Variants in PCDHGB5 observed in about 807,000 individuals in gnomAD.
The protein encoded by PCDHGB5 is protocadherin gamma-B5.
A neutral mutation model predicts 62.9 loss-of-function variants in PCDHGB5; 48 were observed. The ratio of observed to expected loss-of-function variants is 0.76; its 90% CI spans 0.61 to 0.97. The LOEUF (loss-of-function observed/expected upper bound fraction) is 0.97, where lower values mean the gene tolerates loss of function less well. PCDHGB5 is among the 50% of genes least tolerant of loss of function. The pLI is 0.00. For missense variants in PCDHGB5, 1,118 were observed against 1,198.6 expected (o/e 0.93, Z 0.99); for synonymous variants, 474 against 511.2 (o/e 0.93, Z 0.98).
At position 141,398,946 on chromosome 5, in the gene PCDHGB5, C is replaced by A; in HGVS notation, c.819C>A (p.Ile273=). The A allele has an allele frequency of 6.2e-7, 1 of 1,613,948 alleles. No individual in the cohort carries two copies. The highest frequency in any genetic ancestry group is 8.5e-7 in the Non-Finnish European group (1 of 1,179,890). The change falls in exon 1 of 4, where the codon ATC becomes ATA. Residue 273 remains isoleucine, a synonymous_variant. Coordinates refer to ENST00000617380, the MANE Select transcript of PCDHGB5 (RefSeq NM_018925.3). ...QVSATDQDEG[I]NSEITYSFYR... ...CAGCCACTGACCAAGACGAGGGCATCAACTCAGAAATTACTTATTCCTTCT... is the reference window on the plus strand; with the variant it reads ...CAGCCACTGACCAAGACGAGGGCATAAACTCAGAAATTACTTATTCCTTCT...
intron 1 of PCDHGB5, chr5:141,410,578 T>G: frequency 1.9e-6 from 3 of 1,610,984 alleles, no homozygotes; most frequent in Non-Finnish European, 2.5e-6. Context: ...TTCCACCTCA[T>G]GGTGGGGAGG....
Position 141,489,826 on chromosome 5 carries a change from C to G in PCDHGB5, c.2398-4981C>G. On this transcript the variant is annotated intron_variant, in intron 1 of 3. Transcript: ENST00000617380. This position sits in a 1 kb window ranked among gnomAD's most constrained non-coding sequence, Gnocchi z 4.5. The stretch of plus-strand genomic sequence containing the variant: ...TGGGAAGCCATTCCCAGAGCTGGTG[C>G]TAGAGCAGCAGCTGGATCGTGAAGC... 1 of 1,614,186 alleles carries G rather than the reference C, an allele frequency of 6.2e-7. No homozygotes were observed. The highest frequency in any genetic ancestry group is 8.5e-7 in the Non-Finnish European group (1 of 1,179,988).
chr5:141,432,196 C>G lies in PCDHGB5; in HGVS notation c.2397+31672C>G, dbSNP rs200790843. ...TCGTCTCTGTGACCGCCCACGACCC[C>G]GACTGTGAAGAGAACGCCCAGATCA... On this transcript the variant is annotated intron_variant, in intron 1 of 3. Transcript: ENST00000617380. The surrounding 1 kb of genome is among the most constrained non-coding windows in gnomAD (Gnocchi z 6.0). The G allele has an allele frequency of 6.2e-7, 1 of 1,614,192 alleles. No individual in the cohort carries two copies. Among genetic ancestry groups the G allele is most frequent in the East Asian group, 2.2e-5 (1 of 44,880 alleles).
At chr5:141,452,524 C>T (rs542476667) in intron 1 of PCDHGB5, among the ~76,000 whole-genome samples, 83 of 152,294 alleles carry the variant, frequency 5.4e-4, no homozygotes, top group African/African-American at 1.9e-3. Flanking sequence ...CCCTCAAAAT[C>T]GTGAGTTCAT....
At position 141,487,030 on chromosome 5, in the gene PCDHGB5, T is replaced by C. The variant is rs773121109; in HGVS notation, c.2398-7777T>C. Reference sequence around the variant, plus strand: ...TGGAGGCCCCAGATCCCAGCCTGTTTGCAGTCTCTCGATATGCTGGGGAGG... The same window carrying C: ...TGGAGGCCCCAGATCCCAGCCTGTTCGCAGTCTCTCGATATGCTGGGGAGG... On this transcript the variant is annotated intron_variant, in intron 1 of 3. Coordinates refer to ENST00000617380, the MANE Select transcript of PCDHGB5 (RefSeq NM_018925.3). The surrounding 1 kb of genome is among the most constrained non-coding windows in gnomAD (Gnocchi z 5.0). 12 of 1,614,100 alleles carry C rather than the reference T, an allele frequency of 7.4e-6. No homozygotes were observed. Among genetic ancestry groups the C allele is most frequent in the Non-Finnish European group, 1.0e-5 (12 of 1,180,044 alleles).
chr5:141,473,798 T>C lies in PCDHGB5; in HGVS notation c.2398-21009T>C, dbSNP rs1202883137. 2.6e-5 allele frequency among the ~76,000 whole-genome samples: 4 copies of C among 152,350 alleles called. 1 individual carries two copies. The highest frequency in any genetic ancestry group is 6.8e-3 in the Middle Eastern group (2 of 294). On this transcript the variant is annotated intron_variant, in intron 1 of 3. Transcript: ENST00000617380. ...TTTTAATTCAAGAGCAGTATGATGCTACTGAGGAGCAGCTGGACAATTGTG... is the reference window on the plus strand; with the variant it reads ...TTTTAATTCAAGAGCAGTATGATGCCACTGAGGAGCAGCTGGACAATTGTG...
At chr5:141,422,459 T>C (rs1368153179) in intron 1 of PCDHGB5, 1 of 1,613,448 alleles carries the variant, frequency 6.2e-7, no homozygotes, top group South Asian at 1.1e-5. Context: ...AGCAGAGTGC[T>C]GGACAGGGAG....
intron 1 of PCDHGB5, among the ~76,000 whole-genome samples, chr5:141,406,747 CA>C (rs889749071): frequency 1.2e-4 from 19 of 152,168 alleles, no homozygotes; most frequent in Non-Finnish European, 2.1e-4. Flanking sequence ...TGTGAAATGA[CA>C]AAACAAGGAA....
chr5:141,428,495 T>C (rs1023405537), intron 1 of PCDHGB5: 3 of 295,346 alleles, frequency 1.0e-5, no homozygotes, highest in African/African-American at 6.5e-5. Flanking sequence ...AATCTGTATG[T>C]TCCCTCGGAT....
At chr5:141,445,312 T>C (rs1419229431) in intron 1 of PCDHGB5, among the ~76,000 whole-genome samples, 2 of 152,194 alleles carry the variant, frequency 1.3e-5, no homozygotes, top group African/African-American at 4.8e-5. Context: ...AGTTTGTAGG[T>C]TGAGAGAACC....
chr5:141,505,322 G>A, intron 2 of PCDHGB5, 71 bp from the exon 3 acceptor site: 1 of 1,606,332 alleles, frequency 6.2e-7, no homozygotes, highest in African/African-American at 1.3e-5. Context: ...TGGGAGCCCT[G>A]GGAGAGGACA....
Position 141,510,980 on chromosome 5 carries a change from G to C in PCDHGB5, c.2579G>C (p.Gly860Ala), listed in dbSNP as rs1466168256. 12 of 1,614,170 alleles carry C rather than the reference G, an allele frequency of 7.4e-6. No individual in the cohort carries two copies. The highest frequency in any genetic ancestry group is 9.3e-6 in the Non-Finnish European group (11 of 1,180,014). ...AADGSSTLGG[G>A]AGTMGLSARY... ...GATGGGAGCTCCACCCTGGGAGGGG[G>C]TGCCGGCACCATGGGATTGAGCGCC... is the stretch of plus-strand genomic sequence containing the variant. Residue 860 changes from glycine (G) to alanine (A), a missense_variant, in exon 4 of 4, where the codon GGT becomes GCT. By Grantham distance (60) the Gly-to-Ala change is moderately conservative (BLOSUM62 0). This residue lies in a region of PCDHGB5 where 1,034 missense variants were observed against 1,029.1 expected (regional missense o/e 1.00). Transcript: ENST00000617380.
chr5:141,491,896 C>A lies in PCDHGB5; in HGVS notation c.2398-2911C>A. ...CGATTAAGGGATGGGGCTCCGAGCA[C>A]CGGGGGTGGTGGCGACTGTGGGCGA... On this transcript the variant is annotated intron_variant, in intron 1 of 3. Coordinates refer to ENST00000617380, the MANE Select transcript of PCDHGB5 (RefSeq NM_018925.3). This position sits in a 1 kb window ranked among gnomAD's most constrained non-coding sequence, Gnocchi z 6.9. 1 of 1,434,504 alleles carries A rather than the reference C, an allele frequency of 7.0e-7. No homozygotes were observed. Among genetic ancestry groups the A allele is most frequent in the Non-Finnish European group, 9.2e-7 (1 of 1,084,690 alleles). The allele number at this position is 1,434,504 out of a possible 1,614,324, so 88.9% of individuals were successfully genotyped here.
At chr5:141,482,936 G>T (rs2099574800) in intron 1 of PCDHGB5, among the ~76,000 whole-genome samples, 1 of 152,050 alleles carries the variant, frequency 6.6e-6, no homozygotes, top group Admixed American at 6.5e-5. Context: ...AGCCAGGTGT[G>T]GTTGTGGGTG....
rs184178455 is a variant in PCDHGB5 at position 141,428,574 on chromosome 5, T to C, written c.2397+28050T>C. ...CAGTCCCCCCACAAGATCTTTCTAA[T>C]GAAGTTTCTCTGGTAGCAAGCTTCA... is the stretch of plus-strand genomic sequence containing the variant. On this transcript the variant is annotated intron_variant, in intron 1 of 3. Transcript: ENST00000617380. 1.8e-3 allele frequency: 416 copies of C among 229,070 alleles called. 3 individuals are homozygous for C. The highest frequency in any genetic ancestry group is 2.8e-3 in the Non-Finnish European group (314 of 113,918). The allele number at this position is 229,070 out of a possible 1,614,324, so 14.2% of individuals were successfully genotyped here. A position where few individuals can be genotyped will look rare whatever the true frequency, so the allele number is the denominator to read the frequency against.
intron 2 of PCDHGB5, among the ~76,000 whole-genome samples, chr5:141,499,496 T>C (rs1167360015): frequency 6.6e-6 from 1 of 152,182 alleles, no homozygotes; most frequent in East Asian, 1.9e-4. Flanking sequence ...CAGTTTAATA[T>C]GAAACATTTC....
Position 141,487,650 on chromosome 5 carries a change from G to A in PCDHGB5, c.2398-7157G>A. On this transcript the variant is annotated intron_variant, in intron 1 of 3. Transcript: ENST00000617380. The surrounding 1 kb of genome is among the most constrained non-coding windows in gnomAD (Gnocchi z 5.0). ...TTGCAGGCTCAACAAATGCTTGAGGGTTATTCTGATCCAGGCATATGGCTA... is the reference window on the plus strand; with the variant it reads ...TTGCAGGCTCAACAAATGCTTGAGGATTATTCTGATCCAGGCATATGGCTA... 1 of 1,613,994 alleles carries A rather than the reference G, an allele frequency of 6.2e-7. No individual in the cohort carries two copies. Among genetic ancestry groups the A allele is most frequent in the Non-Finnish European group, 8.5e-7 (1 of 1,179,954 alleles).
At chr5:141,453,586 C>T (rs1409763264) in intron 1 of PCDHGB5, among the ~76,000 whole-genome samples, 1 of 152,204 alleles carries the variant, frequency 6.6e-6, no homozygotes, top group Non-Finnish European at 1.5e-5. Context: ...GGTTTATCCT[C>T]ACTGTGTTTC....
intron 1 of PCDHGB5, chr5:141,419,262 G>C: frequency 1.9e-6 from 3 of 1,614,014 alleles, no homozygotes; most frequent in Non-Finnish European, 2.5e-6. Context: ...AACCAGCCGG[G>C]TGCCTCCATA....
Sources: gnomAD v4.1 joint callset for allele counts (sites outside exome capture counted in the v4.1 genomes callset) on GRCh38, gnomAD v4.1.1 for gene constraint, gnomAD v4.1.1 regional missense constraint, Gnocchi (gnomAD v3.1) non-coding constraint, MANE v1.5 for transcripts, NCBI Gene and HGNC (gene_info 2026-07-23, HGNC 2026-07-21) for gene names.